The following PCDHA8 variants were observed in gnomAD, a reference collection of about 807,000 sequenced individuals.
The protein encoded by PCDHA8 is protocadherin alpha 8, also known as protocadherin alpha-8.
A neutral mutation model predicts 61.8 loss-of-function variants in PCDHA8; 53 were observed. The observed-to-expected ratio is 0.86, with a 90% confidence interval of 0.69 to 1.08. The LOEUF (loss-of-function observed/expected upper bound fraction) is 1.08, where lower values mean the gene tolerates loss of function less well. Ranked by LOEUF, PCDHA8 falls within the 50% of genes least tolerant of loss-of-function variation. PCDHA8 has a pLI of 0.00. For synonymous variants in PCDHA8, 618 were observed against 556.6 expected (o/e 1.11, Z -1.55); for missense variants, 1,293 against 1,245.0 (o/e 1.04, Z -0.58).
At chr5:140,944,089 A>G (rs2093608705) in intron 1 of PCDHA8, among the ~76,000 whole-genome samples, 2 of 152,250 alleles carry the variant, frequency 1.3e-5, no homozygotes, top group Non-Finnish European at 1.5e-5. Context: ...AGGCCTGAGT[A>G]AGTTTATATC....
rs782792374 is a variant in PCDHA8, at chr5:140,869,589, T to C, written c.2394+25874T>C. The C allele has an allele frequency of 2.5e-6, 4 of 1,614,002 alleles. No individual in the cohort carries two copies. The African/African-American group carries it at 4.0e-5, about 16-fold the overall frequency. On this transcript the variant is annotated intron_variant, in intron 1 of 3. Coordinates refer to ENST00000531613, the MANE Select transcript of PCDHA8 (RefSeq NM_018911.3). ...TAGAGGGAGCTTCTGATGCTGACAT[T>C]GAAGAGAATGCTCTATTGACCTACA...
At chr5:140,950,429 T>G (rs1339598073) in intron 1 of PCDHA8, among the ~76,000 whole-genome samples, 1 of 151,896 alleles carries the variant, frequency 6.6e-6, no homozygotes, top group Admixed American at 6.6e-5. Context: ...TTCTTCCACT[T>G]AAAAAAAATG....
At chr5:140,882,247 T>C in intron 1 of PCDHA8, 1 of 1,594,292 alleles carries the variant, frequency 6.3e-7, no homozygotes, top group Non-Finnish European at 8.6e-7. Context: ...TGCAGATAGC[T>C]CTGAGGTTTT....
intron 1 of PCDHA8, among the ~76,000 whole-genome samples, chr5:140,918,605 G>T (rs2078775246): frequency 6.6e-6 from 1 of 152,198 alleles, no homozygotes; most frequent in Non-Finnish European, 1.5e-5. Flanking sequence ...ATGTTGCTAT[G>T]ATATGAATGT....
intron 1 of PCDHA8, chr5:140,884,364 A>G: frequency 1.2e-6 from 2 of 1,613,884 alleles, no homozygotes; most frequent in Non-Finnish European, 1.7e-6. Flanking sequence ...GTCAATGTTT[A>G]CTTGATCATT....
intron 1 of PCDHA8, among the ~76,000 whole-genome samples, chr5:140,918,875 T>G (rs1283138930): frequency 2.0e-5 from 3 of 152,188 alleles, no homozygotes; most frequent in African/African-American, 7.2e-5. Context: ...CTTTCAAGCC[T>G]CTAGAACAGT....
At chr5:140,893,261 C>T (rs2063902016) in intron 1 of PCDHA8, among the ~76,000 whole-genome samples, 1 of 152,104 alleles carries the variant, frequency 6.6e-6, no homozygotes, top group Non-Finnish European at 1.5e-5. Context: ...TGGATAAATG[C>T]CCAATAGTGG....
At chr5:140,970,791 T>A (rs2096434096) in intron 1 of PCDHA8, among the ~76,000 whole-genome samples, 2 of 152,210 alleles carry the variant, frequency 1.3e-5, no homozygotes, top group South Asian at 2.1e-4. Flanking sequence ...GTATGTAATA[T>A]CCATATTGTT....
At chr5:140,903,370 G>A (rs1185137848) in intron 1 of PCDHA8, among the ~76,000 whole-genome samples, 8 of 152,136 alleles carry the variant, frequency 5.3e-5, no homozygotes, top group African/African-American at 1.9e-4. Flanking sequence ...AAAAATATAG[G>A]GAGGATTGTG....
chr5:140,846,375 T>C (rs1343413352), intron 1 of PCDHA8, among the ~76,000 whole-genome samples: 4 of 125,488 alleles, frequency 3.2e-5, no homozygotes, highest in African/African-American at 1.0e-4. Context: ...CTTTCTTTCT[T>C]TTTTTTTTTT....
At position 141,009,931 on chromosome 5, in the gene PCDHA8, C is replaced by T. The variant is rs2098415407; in HGVS notation, c.2847C>T (p.Asp949=). ...EKGNSTTDNS[D]Q ...GGAACAGCACGACTGACAACAGTGA[C>T]CAGTGAGGTCCTCAAATGGAAACAA... Residue 949 remains aspartate (D), a synonymous_variant, in exon 4 of 4, where the codon GAC becomes GAT. Transcript: ENST00000531613. The T allele has an allele frequency of 6.2e-7, 1 of 1,601,706 alleles. No individual in the cohort carries two copies. The highest frequency in any genetic ancestry group is 8.5e-7 in the Non-Finnish European group (1 of 1,175,864).
intron 1 of PCDHA8, among the ~76,000 whole-genome samples, chr5:140,873,284 T>C (rs1554166661): frequency 1.3e-5 from 2 of 152,208 alleles, no homozygotes; most frequent in Non-Finnish European, 2.9e-5. Context: ...ATACCACTTA[T>C]GAAACTTTAT....
chr5:141,000,705 G>A (rs912231910), intron 3 of PCDHA8, among the ~76,000 whole-genome samples: 6 of 151,458 alleles, frequency 4.0e-5, no homozygotes, highest in African/African-American at 1.2e-4. Context: ...TGGGATTACA[G>A]GCATGAGCCA....
chr5:140,878,006 C>T (rs251378), intron 1 of PCDHA8: 602,670 of 913,772 alleles, frequency 0.66, 200,442 homozygotes, highest in African/African-American at 0.71. Flanking sequence ...ATTTGTCTAA[C>T]ATTAATGAAG....
chr5:140,853,932 G>C, intron 1 of PCDHA8: 6 of 869,474 alleles, frequency 6.9e-6, no homozygotes, highest in Non-Finnish European at 8.4e-6. Flanking sequence ...ATTTTGGGAG[G>C]CCAAGGTGGG....
intron 1 of PCDHA8, among the ~76,000 whole-genome samples, chr5:140,844,878 G>A (rs2150374648): frequency 6.7e-6 from 1 of 149,434 alleles, no homozygotes; most frequent in East Asian, 1.9e-4. Flanking sequence ...ATACCCATTA[G>A]ACTTCGTGCA....
rs978053855 is a variant in PCDHA8 at position 141,009,492 on chromosome 5, A to T, written c.2543-135A>T. 4 of 1,478,558 alleles carry T rather than the reference A, an allele frequency of 2.7e-6. No individual in the cohort carries two copies. In the African/African-American group the frequency reaches 5.6e-5, roughly 21 times the overall value. The allele number at this position is 1,478,558 out of a possible 1,614,324, so 91.6% of individuals were successfully genotyped here. ...ATAAGTAAACACTTGCCTTGCCCTCAGACTTGAACAAACAACTCGTGATTT... is the reference window on the plus strand; with the variant it reads ...ATAAGTAAACACTTGCCTTGCCCTCTGACTTGAACAAACAACTCGTGATTT... On this transcript the variant is annotated intron_variant, in intron 3 of 3. Coordinates refer to ENST00000531613, the MANE Select transcript of PCDHA8 (RefSeq NM_018911.3).
chr5:140,927,450 G>A (rs782619485), intron 1 of PCDHA8: 3 of 1,614,188 alleles, frequency 1.9e-6, no homozygotes, highest in South Asian at 1.1e-5. Context: ...CGGAGTTGGT[G>A]TTGGAGAAAG....
chr5:140,894,819 G>T (rs974558361), intron 1 of PCDHA8, among the ~76,000 whole-genome samples: 6 of 151,474 alleles, frequency 4.0e-5, no homozygotes, highest in African/African-American at 1.2e-4. Context: ...TATCAGATTT[G>T]CCCATAATCC....
Sources: allele counts gnomAD v4.1 joint callset (sites outside exome capture counted in the v4.1 genomes callset), GRCh38; gene constraint gnomAD v4.1.1; transcripts MANE v1.5; gene names NCBI Gene and HGNC (gene_info 2026-07-23, HGNC 2026-07-21).